Variants in MAP2 observed in about 807,000 individuals in gnomAD.
MAP2 encodes microtubule associated protein 2, also known as microtubule-associated protein 2.
A neutral mutation model predicts 137.6 loss-of-function variants in MAP2; 14 were observed. That is an observed-to-expected ratio of 0.10 (90% CI 0.07 to 0.16). The LOEUF (loss-of-function observed/expected upper bound fraction) is 0.16. MAP2 is among the 10% of genes least tolerant of loss of function. The probability of loss-of-function intolerance (pLI) is 1.00; values close to 1 mark genes in which losing one functional copy is unlikely to be tolerated. For synonymous variants in MAP2, 786 were observed against 782.3 expected (o/e 1.00, Z -0.08); for missense variants, 2,088 against 2,191.5 (o/e 0.95, Z 0.94).
chr2:209,534,003 A>G (rs2065562070), intron 2 of MAP2, among the ~76,000 whole-genome samples: 1 of 152,224 alleles, frequency 6.6e-6, no homozygotes, highest in East Asian at 1.9e-4. Context: ...GGGCATCCCA[A>G]GAGACCTGGC....
chr2:209,635,644 T>G (rs2093488336), intron 4 of MAP2, among the ~76,000 whole-genome samples: 1 of 151,802 alleles, frequency 6.6e-6, no homozygotes. Context: ...AAAGCTGTTC[T>G]GTTGGATAAA....
Position 209,696,308 on chromosome 2 carries a change from G to C in MAP2, c.4138G>C (p.Asp1380His). The change falls in exon 8 of 16, where the codon GAC (aspartate) becomes CAC (histidine). Residue 1380 changes from aspartate to histidine, a missense_variant. Coordinates refer to ENST00000682079, the MANE Select transcript of MAP2 (RefSeq NM_001375505.1). ...TTACAAAGATGAGACCACCATTGAC[G>C]ACTCCATCATGGACGCTGACAGCCT... ...DDYKDETTID[D>H]SIMDADSLWV... 6.3e-7 allele frequency: 1 copy of C among 1,586,084 alleles called. No homozygotes were observed. The highest frequency in any genetic ancestry group is 8.5e-7 in the Non-Finnish European group (1 of 1,171,086).
chr2:209,430,276 A>G (rs569576448), intron 1 of MAP2, among the ~76,000 whole-genome samples: 1 of 151,834 alleles, frequency 6.6e-6, no homozygotes, highest in African/African-American at 2.4e-5. Context: ...TTAGTGGATG[A>G]GAACATGGAA....
intron 2 of MAP2, among the ~76,000 whole-genome samples, chr2:209,549,372 G>A (rs1326667653): frequency 1.3e-5 from 2 of 152,100 alleles, no homozygotes; most frequent in Admixed American, 6.6e-5. Flanking sequence ...AGAAAAAGAT[G>A]ATCATTTCTG....
At chr2:209,517,334 T>C (rs2062656633) in intron 2 of MAP2, among the ~76,000 whole-genome samples, 1 of 152,144 alleles carries the variant, frequency 6.6e-6, no homozygotes, top group African/African-American at 2.4e-5. Flanking sequence ...CTCTTCACTT[T>C]TACATAAATA....
At chr2:209,709,043 A>G (rs969448922) in intron 12 of MAP2, among the ~76,000 whole-genome samples, 3 of 152,200 alleles carry the variant, frequency 2.0e-5, no homozygotes, top group African/African-American at 7.2e-5. Flanking sequence ...AAAAGATGAA[A>G]GAAACATAGT....
At chr2:209,563,264 G>C (rs75739288) in intron 2 of MAP2, among the ~76,000 whole-genome samples, 3,004 of 152,222 alleles carry the variant, frequency 0.02, 97 homozygotes, top group African/African-American at 0.068. Flanking sequence ...TGTAACATGA[G>C]TATAATGAAA....
chr2:209,605,423 A>G (rs1319640296), intron 3 of MAP2, among the ~76,000 whole-genome samples: 1 of 152,202 alleles, frequency 6.6e-6, no homozygotes, highest in Non-Finnish European at 1.5e-5. Context: ...GGCAATGTTT[A>G]GTTTGAAAAA....
intron 1 of MAP2, among the ~76,000 whole-genome samples, chr2:209,470,604 C>CT (rs1201477131): frequency 6.6e-6 from 1 of 151,970 alleles, no homozygotes; most frequent in Non-Finnish European, 1.5e-5. Flanking sequence ...GATGTCTTGT[C>CT]TTTGTCACCA....
intron 3 of MAP2, among the ~76,000 whole-genome samples, chr2:209,589,317 T>C (rs1476834528): frequency 6.6e-6 from 1 of 152,212 alleles, no homozygotes; most frequent in East Asian, 1.9e-4. Flanking sequence ...GTTTGAAGAA[T>C]GCAAGTGTCC....
chr2:209,568,807 A>G (rs2073920510), intron 2 of MAP2, among the ~76,000 whole-genome samples: 1 of 151,786 alleles, frequency 6.6e-6, no homozygotes, highest in African/African-American at 2.4e-5. Flanking sequence ...GAAATTAATG[A>G]CTCTAGAAGA....
intron 4 of MAP2, among the ~76,000 whole-genome samples, chr2:209,636,286 TAATC>T (rs1423868648): frequency 6.6e-6 from 1 of 152,110 alleles, no homozygotes; most frequent in African/African-American, 2.4e-5. Flanking sequence ...GATCCAGTAG[TAATC>T]AATCCTGAAT....
At chr2:209,638,940 A>G (rs957195527) in intron 4 of MAP2, among the ~76,000 whole-genome samples, 1 of 151,644 alleles carries the variant, frequency 6.6e-6, no homozygotes, top group African/African-American at 2.4e-5. Flanking sequence ...TGGATTGATA[A>G]TGATCTTAAA....
At chr2:209,588,752 C>G (rs113455030) in intron 3 of MAP2, among the ~76,000 whole-genome samples, 1 of 151,924 alleles carries the variant, frequency 6.6e-6, no homozygotes, top group Non-Finnish European at 1.5e-5. Flanking sequence ...TAATTTTGAA[C>G]ATAACTTCAG....
At chr2:209,442,813 C>T (rs1014315451) in intron 1 of MAP2, among the ~76,000 whole-genome samples, 4 of 151,712 alleles carry the variant, frequency 2.6e-5, no homozygotes, top group African/African-American at 9.6e-5. Flanking sequence ...CATTTTAGGT[C>T]ATGGAACTAT....
In MAP2 at chr2:209,505,632, T is replaced by TAGTATCA. The variant is rs201233775; in HGVS notation, c.-221-1960_-221-1959insAGTATCA. Among the ~76,000 whole-genome samples the TAGTATCA allele has an allele frequency of 2.2e-3, 333 of 152,106 alleles. 2 individuals carry two copies. Among genetic ancestry groups the TAGTATCA allele is most frequent in the African/African-American group, 7.8e-3 (323 of 41,380 alleles). On this transcript the variant is annotated intron_variant, in intron 1 of 15. Transcript: ENST00000682079. ...CTTTAATAGTTTTTGTGCTGCCTAATGGATACTGCTGTGGGTTTTTTGTTT... is the reference window on the plus strand; with the variant it reads ...CTTTAATAGTTTTTGTGCTGCCTAATAGTATCAGGATACTGCTGTGGGTTTTTTGTTT...
rs143570149 is a variant in MAP2 at position 209,544,599 on chromosome 2, C to T, written c.-171-35437C>T. ...GAGCAAGTCATTTTACCGATGAAGC[C>T]GCATCTCTCTTCTGTAAAATAGGGC... On this transcript the variant is annotated intron_variant, in intron 2 of 15. Coordinates refer to ENST00000682079, the MANE Select transcript of MAP2 (RefSeq NM_001375505.1). Among the ~76,000 whole-genome samples the T allele has an allele frequency of 2.4e-4, 36 of 152,222 alleles. No individual in the cohort carries two copies. In the East Asian group the frequency reaches 4.1e-3, roughly 17 times the overall value.
intron 3 of MAP2, among the ~76,000 whole-genome samples, chr2:209,590,050 C>A (rs1437641527): frequency 1.3e-5 from 2 of 151,934 alleles, no homozygotes; most frequent in African/African-American, 2.4e-5. Flanking sequence ...AGGCAGACAC[C>A]CATGGGAATG....
intron 1 of MAP2, among the ~76,000 whole-genome samples, chr2:209,451,923 G>C (rs1575152819): frequency 6.6e-6 from 1 of 152,056 alleles, no homozygotes; most frequent in East Asian, 1.9e-4. Flanking sequence ...CCTTGTTACT[G>C]ACCACACAAT....
Sources: allele counts gnomAD v4.1 joint callset (sites outside exome capture counted in the v4.1 genomes callset), GRCh38; gene constraint gnomAD v4.1.1; transcripts MANE v1.5; gene names NCBI Gene and HGNC (gene_info 2026-07-23, HGNC 2026-07-21).